SCN1A: variants seen among roughly 807,000 people sequenced by gnomAD.
SCN1A encodes the protein sodium channel protein type 1 subunit alpha.
A neutral mutation model predicts 193.7 loss-of-function variants in SCN1A; 13 were observed. The ratio of observed to expected loss-of-function variants is 0.07; its 90% confidence interval spans 0.04 to 0.11. The LOEUF (loss-of-function observed/expected upper bound fraction) is 0.11. SCN1A is among the 10% of genes least tolerant of loss of function. The probability of loss-of-function intolerance (pLI) is 1.00; values close to 1 mark genes in which losing one functional copy is unlikely to be tolerated. For missense variants in SCN1A, 1,432 were observed against 2,451.1 expected (o/e 0.58, Z 8.78); for synonymous variants, 781 against 843.6 (o/e 0.93, Z 1.29).
intron 3 of SCN1A, among the ~76,000 whole-genome samples, chr2:166,076,335 T>G (rs1421646088): frequency 6.6e-6 from 1 of 151,972 alleles, no homozygotes; most frequent in Non-Finnish European, 1.5e-5. Flanking sequence ...GTTATAAGTT[T>G]AAATATTTTA....
At chr2:166,128,523 A>C (rs1691486303), upstream of SCN1A, among the ~76,000 whole-genome samples, 1 of 152,182 alleles carries the variant, frequency 6.6e-6, no homozygotes, top group African/African-American at 2.4e-5. Context: ...TATTATAGTG[A>C]ACAGCTCAGA....
chr2:166,098,951 A>T (rs1687714965), intron 2 of SCN1A, among the ~76,000 whole-genome samples: 2 of 152,194 alleles, frequency 1.3e-5, no homozygotes, highest in Admixed American at 6.5e-5. Context: ...CAATTTACAG[A>T]TTCAATGCTA....
chr2:165,996,765 T>A (rs1327887726), intron 26 of SCN1A, among the ~76,000 whole-genome samples: 2 of 151,210 alleles, frequency 1.3e-5, no homozygotes, highest in Non-Finnish European at 3.0e-5. Flanking sequence ...GAAAAGGGAA[T>A]TGAGGGGAGA....
chr2:166,087,275 T>C (rs1419231845), intron 2 of SCN1A, among the ~76,000 whole-genome samples: 1 of 151,826 alleles, frequency 6.6e-6, no homozygotes, highest in Non-Finnish European at 1.5e-5. Flanking sequence ...GAGACCAGGC[T>C]AACCAACGTG....
At chr2:166,096,762 G>A (rs1220061658) in intron 2 of SCN1A, among the ~76,000 whole-genome samples, 6 of 152,020 alleles carry the variant, frequency 3.9e-5, no homozygotes, top group African/African-American at 1.4e-4. Context: ...TTTATTCTAT[G>A]CTATTCTAGG....
intron 2 of SCN1A, among the ~76,000 whole-genome samples, chr2:166,094,484 G>T (rs908026267): frequency 6.6e-6 from 1 of 152,036 alleles, no homozygotes; most frequent in African/African-American, 2.4e-5. Context: ...TAATCTCTTG[G>T]CAGAAATAAG....
chr2:166,061,177 C>G lies in SCN1A; in HGVS notation c.265-2489G>C, dbSNP rs1372963704. Reference sequence around the variant, plus strand: ...TAGAAGAGAACACCTGTGATGCTGGCTCCTTGGCCACTGTTCAGCCCAAAC... The same window carrying G: ...TAGAAGAGAACACCTGTGATGCTGGGTCCTTGGCCACTGTTCAGCCCAAAC... On this transcript the variant is annotated intron_variant, in intron 4 of 28. Transcript: ENST00000674923. Among the ~76,000 whole-genome samples, 3 of 152,096 alleles carry G rather than the reference C, an allele frequency of 2.0e-5. No homozygotes were observed. In the South Asian group the frequency reaches 6.2e-4, roughly 32 times the overall value.
At chr2:166,117,301 G>A (rs1368870786) in intron 2 of SCN1A, among the ~76,000 whole-genome samples, 1 of 152,182 alleles carries the variant, frequency 6.6e-6, no homozygotes, top group Non-Finnish European at 1.5e-5. Flanking sequence ...ATATACAGCA[G>A]ATGTTAATCA....
chr2:166,123,321 C>T (rs1350583471), intron 2 of SCN1A, among the ~76,000 whole-genome samples: 1 of 146,512 alleles, frequency 6.8e-6, no homozygotes, highest in East Asian at 2.1e-4. Flanking sequence ...GGGATGTAAA[C>T]ACTGGTTTTC....
At chr2:166,025,939 C>T (rs1025257141) in intron 19 of SCN1A, among the ~76,000 whole-genome samples, 1 of 151,910 alleles carries the variant, frequency 6.6e-6, no homozygotes, top group Non-Finnish European at 1.5e-5. Flanking sequence ...TTTTATTATG[C>T]TTTTATTCAA....
rs186772680 is a variant in SCN1A, at chr2:166,103,540, C to T, written c.-142+23384G>A. On this transcript the variant is annotated intron_variant, in intron 2 of 28. Coordinates refer to ENST00000674923, the MANE Select transcript of SCN1A (RefSeq NM_001165963.4). The stretch of plus-strand genomic sequence containing the variant: ...AGTTATCTTTGAGACACGGAGGAAG[C>T]ACAGAAGAGGATATAATCACTTCTT... Among the ~76,000 whole-genome samples, 5 of 151,856 alleles carry T rather than the reference C, an allele frequency of 3.3e-5. No individual in the cohort carries two copies. The East Asian group carries it at 7.7e-4, about 23-fold the overall frequency.
chr2:166,057,975 C>G (rs1431631198), intron 5 of SCN1A, among the ~76,000 whole-genome samples: 1 of 152,000 alleles, frequency 6.6e-6, no homozygotes. Context: ...ACTAAGCAAA[C>G]AGTTTTGCAT....
intron 2 of SCN1A, among the ~76,000 whole-genome samples, chr2:166,105,466 G>T (rs1480993730): frequency 6.6e-6 from 1 of 152,144 alleles, no homozygotes; most frequent in African/African-American, 2.4e-5. Context: ...TTGTAGTTAT[G>T]CTTCAGTGAA....
At position 166,050,631 on chromosome 2, in the gene SCN1A, ATATATATG is replaced by A. The variant is rs1428078811; in HGVS notation, c.964+1080_964+1087del. Among the ~76,000 whole-genome samples the A allele has an allele frequency of 2.7e-4, 22 of 80,794 alleles. 1 individual carries two copies. Among genetic ancestry groups the A allele is most frequent in the East Asian group, 5.2e-4 (1 of 1,922 alleles). The allele number at this position is 80,794 out of a possible 152,430, so 53.0% of individuals were successfully genotyped here. A position where few individuals can be genotyped will look rare whatever the true frequency, so the allele number is the denominator to read the frequency against. On this transcript the variant is annotated intron_variant, in intron 9 of 28. Transcript: ENST00000674923. ...AAAAAAAGTATATATATATATATAT[ATATATATG>A]TGTGTATATATTTTTTTTTTGTAGA...
At chr2:166,054,194 C>T (rs7575780) in intron 7 of SCN1A, among the ~76,000 whole-genome samples, 29,135 of 151,804 alleles carry the variant, frequency 0.19, 2,958 homozygotes, top group East Asian at 0.28. Flanking sequence ...TACTTACTTT[C>T]AATTATTTTA....
chr2:166,094,047 T>TCACA (rs36025454), intron 2 of SCN1A, among the ~76,000 whole-genome samples: 31 of 151,292 alleles, frequency 2.0e-4, no homozygotes, highest in Non-Finnish European at 3.7e-4. Flanking sequence ...GTCAAATCTT[T>TCACA]CACACACACA....
In SCN1A at chr2:166,036,257, C is replaced by A; in HGVS notation, c.3220G>T (p.Asp1074Tyr). 1.2e-6 allele frequency: 2 copies of A among 1,613,854 alleles called. No individual in the cohort carries two copies. Among genetic ancestry groups the A allele is most frequent in the African/African-American group, 2.7e-5 (2 of 75,032 alleles). The change falls in exon 19 of 29, where the codon GAC becomes TAC. Residue 1074 changes from aspartate (D) to tyrosine (Y), a missense_variant. Asp to Tyr is a radical substitution (Grantham distance 160). Around this residue, in one of 18 missense-constraint regions of SCN1A, gnomAD observed 198 missense variants for 225.8 expected, o/e 0.88. Transcript: ENST00000674923. ...GTTCCATTTACATCTTTAAGATAGT[C>A]AAGATCTTTCCCAATTTCTGCTGTA... ...NHTAEIGKDLDYLKDVNGTTS... is the reference protein window; with the variant it reads ...NHTAEIGKDLYYLKDVNGTTS...
chr2:166,085,828 C>G (rs1686053057), intron 2 of SCN1A, among the ~76,000 whole-genome samples: 1 of 152,056 alleles, frequency 6.6e-6, no homozygotes, highest in African/African-American at 2.4e-5. Context: ...TAGAACAAGT[C>G]TAAGCAAAGG....
Position 166,013,881 on chromosome 2 carries a change from T to G in SCN1A, c.3568A>C (p.Lys1190Gln), listed in dbSNP as rs1553532748. The G allele has an allele frequency of 6.2e-7, 1 of 1,611,778 alleles. No individual in the cohort carries two copies. Among genetic ancestry groups the G allele is most frequent in the Non-Finnish European group, 8.5e-7 (1 of 1,178,470 alleles). Residue 1190 changes from lysine (K) to glutamine (Q), a missense_variant, in exon 21 of 29, where the codon AAG becomes CAG. Around this residue, in one of 18 missense-constraint regions of SCN1A, gnomAD observed 198 missense variants for 225.8 expected, o/e 0.88. Transcript: ENST00000674923. Reference protein sequence around the residue: ...CFTEGCVQRFKCCQINVEEGR... With the variant: ...CFTEGCVQRFQCCQINVEEGR... ...TCTTCCACATTGATTTGACAACACT[T>G]GAATCTTTGTACACAGCCTGCAGAA...
Sources: gnomAD v4.1 joint callset for allele counts (sites outside exome capture counted in the v4.1 genomes callset) on GRCh38, gnomAD v4.1.1 for gene constraint, gnomAD v4.1.1 regional missense constraint, MANE v1.5 for transcripts, NCBI Gene and HGNC (gene_info 2026-07-23, HGNC 2026-07-21) for gene names.